KDM2B: variants seen among roughly 807,000 people sequenced by gnomAD.
KDM2B encodes lysine demethylase 2B.
Under a neutral mutation model 150.0 loss-of-function variants are expected in KDM2B, and 26 were observed. The ratio of observed to expected loss-of-function variants is 0.17; its 90% CI spans 0.13 to 0.24. KDM2B has a LOEUF of 0.24. KDM2B is among the 10% of genes least tolerant of loss of function. The pLI is 1.00. For synonymous variants in KDM2B, 734 were observed against 729.5 expected (o/e 1.01, Z -0.10); for missense variants, 1,265 against 1,816.9 (o/e 0.70, Z 5.52).
chr12:121,424,717 A>C (rs1007114434), downstream of KDM2B, among the ~76,000 whole-genome samples: 29 of 142,564 alleles, frequency 2.0e-4, no homozygotes, highest in Admixed American at 1.7e-3. Context: ...TCTCAAAAAA[A>C]AAAAAAAAGA....
At chr12:121,555,935 T>G (rs920590858) in intron 4 of KDM2B, among the ~76,000 whole-genome samples, 15 of 148,632 alleles carry the variant, frequency 1.0e-4, no homozygotes, top group Non-Finnish European at 1.5e-4. Context: ...TTGTTTTTTG[T>G]TTTTTTTTTG....
Position 121,442,172 on chromosome 12 carries a change from C to G in KDM2B, c.3269G>C (p.Arg1090Thr). The G allele has an allele frequency of 1.2e-6, 2 of 1,613,626 alleles. No homozygotes were observed. Among genetic ancestry groups the G allele is most frequent in the African/African-American group, 2.7e-5 (2 of 75,048 alleles). ...QDLCVCMRVC[R>T]TWNRWCCDKR... The stretch of plus-strand genomic sequence containing the variant: ...CGCCGCTCACCAGCGGTTCCAGGTC[C>G]TGCAGACCCGCATGCACACACACAG... Residue 1090 changes from arginine to threonine, a missense_variant, in exon 19 of 23, where the codon AGG (arginine) becomes ACG (threonine). Coordinates refer to ENST00000377071, the MANE Select transcript of KDM2B (RefSeq NM_032590.5). The surrounding 1 kb of genome is among the most constrained non-coding windows in gnomAD (Gnocchi z 7.7).
At chr12:121,473,020 G>A (rs1314160914) in intron 12 of KDM2B, among the ~76,000 whole-genome samples, 3 of 152,030 alleles carry the variant, frequency 2.0e-5, no homozygotes, top group South Asian at 2.1e-4. Context: ...CTCCAAAAAA[G>A]GACCTTGGAG....
At position 121,444,478 on chromosome 12, in the gene KDM2B, T is replaced by C; in HGVS notation, c.2162A>G (p.Lys721Arg). The C allele has an allele frequency of 6.2e-7, 1 of 1,614,150 alleles. No individual in the cohort carries two copies. The highest frequency in any genetic ancestry group is 8.5e-7 in the Non-Finnish European group (1 of 1,180,030). ...CCCGGTCTTGCCGGCGTGGTTACACTTCGGACACTCCCAGCAGTTTGGAAG... is the reference window on the plus strand; with the variant it reads ...CCCGGTCTTGCCGGCGTGGTTACACCTCGGACACTCCCAGCAGTTTGGAAG... Reference protein sequence around the residue: ...DELPNCWECPKCNHAGKTGKQ... With the variant: ...DELPNCWECPRCNHAGKTGKQ... The change falls in exon 15 of 23, where the codon AAG becomes AGG. Residue 721 changes from lysine to arginine, a missense_variant. Physicochemically the swap from Lys to Arg is conservative, Grantham distance 26 (BLOSUM62 2). Coordinates refer to ENST00000377071, the MANE Select transcript of KDM2B (RefSeq NM_032590.5).
At chr12:121,462,791 TGGC>T (rs1879286834) in intron 12 of KDM2B, among the ~76,000 whole-genome samples, 1 of 151,874 alleles carries the variant, frequency 6.6e-6, no homozygotes, top group Non-Finnish European at 1.5e-5. Context: ...CGCGCCCGGC[TGGC>T]AAAATTTCAC....
intron 13 of KDM2B, 32 bp from the exon 14 acceptor site, chr12:121,445,450 CAG>C (rs1566271551): frequency 2.6e-6 from 4 of 1,560,596 alleles, no homozygotes; most frequent in East Asian, 2.3e-5. Context: ...GACAAGTCAT[CAG>C]GGGTGGGGAG....
Position 121,549,741 on chromosome 12 carries a change from A to G in KDM2B, c.398-103T>C. The G allele has an allele frequency of 5.9e-6, 6 of 1,024,924 alleles. No individual in the cohort carries two copies. The highest frequency in any genetic ancestry group is 7.0e-6 in the Non-Finnish European group (5 of 709,926). The allele number at this position is 1,024,924 out of a possible 1,614,324, so 63.5% of individuals were successfully genotyped here. ...AAAAGCTGCTCCTCCACGTTTCCCC[A>G]CAGTCCTCACCCCTCTTCCTCATCT... On this transcript the variant is annotated intron_variant, in intron 4 of 22. Coordinates refer to ENST00000377071, the MANE Select transcript of KDM2B (RefSeq NM_032590.5). The surrounding 1 kb of genome is among the most constrained non-coding windows in gnomAD (Gnocchi z 4.4).
chr12:121,420,836 G>T, the KDM2B span: 1 of 1,363,162 alleles, frequency 7.3e-7, no homozygotes, highest in Admixed American at 1.8e-5. Flanking sequence ...TTTAAAAACT[G>T]GGTTGTTTTT....
rs962980061 is a variant in KDM2B, at chr12:121,453,938, C to G, written c.1735-594G>C. On this transcript the variant is annotated intron_variant, in intron 12 of 22. Coordinates refer to ENST00000377071, the MANE Select transcript of KDM2B (RefSeq NM_032590.5). This position sits in a 1 kb window ranked among gnomAD's most constrained non-coding sequence, Gnocchi z 6.4. ...ACCCACAGGCTCGGACCCTGCCCAC[C>G]TTTCCCACCTCCGTCTGCTCCCCAA... Among the ~76,000 whole-genome samples, 1 of 152,226 alleles carries G rather than the reference C, an allele frequency of 6.6e-6. No individual in the cohort carries two copies. Among genetic ancestry groups the G allele is most frequent in the Non-Finnish European group, 1.5e-5 (1 of 68,034 alleles).
chr12:121,496,225 A>G (rs1301723929), intron 11 of KDM2B, among the ~76,000 whole-genome samples: 2 of 152,074 alleles, frequency 1.3e-5, no homozygotes, highest in African/African-American at 4.8e-5. Flanking sequence ...CTACATCCAC[A>G]CATCCACAGC....
intron 7 of KDM2B, 42 bp downstream of exon 7, chr12:121,534,455 C>G (rs781996560): frequency 1.4e-6 from 2 of 1,455,854 alleles, no homozygotes; most frequent in Non-Finnish European, 1.9e-6. Flanking sequence ...CCCACACAAA[C>G]AGCTAGAGAT....
chr12:121,431,419 G>A (rs530909107), intron 22 of KDM2B, among the ~76,000 whole-genome samples: 35 of 151,430 alleles, frequency 2.3e-4, no homozygotes, highest in South Asian at 6.3e-4. Flanking sequence ...AAAGTGCTGG[G>A]ATTACAGGCT....
chr12:121,450,784 C>T (rs1366587290), intron 13 of KDM2B, among the ~76,000 whole-genome samples: 5 of 151,852 alleles, frequency 3.3e-5, no homozygotes, highest in African/African-American at 7.3e-5. Context: ...TGGCATGAAC[C>T]CAGGAGGTGG....
intron 21 of KDM2B, 38 bp from the exon 22 acceptor site, chr12:121,440,113 G>C (rs1287529707): frequency 6.7e-7 from 1 of 1,493,266 alleles, no homozygotes; most frequent in Non-Finnish European, 9.1e-7. Flanking sequence ...CCGTCAATCT[G>C]ACCGAGGAGG....
At chr12:121,418,036 C>G in the KDM2B span, 3 of 1,026,196 alleles carry the variant, frequency 2.9e-6, no homozygotes, top group Non-Finnish European at 4.3e-6. Context: ...GAAGCTTCCA[C>G]ACCCAGCTGA....
intron 12 of KDM2B, among the ~76,000 whole-genome samples, chr12:121,454,631 G>C (rs1877933387): frequency 2.0e-5 from 3 of 152,160 alleles, no homozygotes; most frequent in African/African-American, 7.2e-5. Context: ...AGAGCCTGGG[G>C]TGGCTGAGAA....
At chr12:121,441,345 A>C in intron 19 of KDM2B, 112 bp from the exon 20 acceptor site, 1 of 1,026,324 alleles carries the variant, frequency 9.7e-7, no homozygotes, top group Non-Finnish European at 1.4e-6. Flanking sequence ...TCCTTAACTC[A>C]GCGCTCTGGA....
intron 8 of KDM2B, among the ~76,000 whole-genome samples, chr12:121,524,043 C>T (rs1555306325): frequency 2.6e-5 from 4 of 152,146 alleles, no homozygotes. Flanking sequence ...CTGTTATTGT[C>T]GCCATCCCCG....
Position 121,544,694 on chromosome 12 carries a change from C to T in KDM2B, c.683+4183G>A, listed in dbSNP as rs548154359. On this transcript the variant is annotated intron_variant, in intron 6 of 22. Transcript: ENST00000377071. ...TTGGGAGGCCAAGGCGGGCAGATCA[C>T]CTGAGGTCAGGAGTTCGAGACCGGC... Among the ~76,000 whole-genome samples, 32 of 152,208 alleles carry T rather than the reference C, an allele frequency of 2.1e-4. 2 individuals are homozygous for T. In the South Asian group the frequency reaches 6.0e-3, roughly 29 times the overall value.
Sources: gnomAD v4.1 joint callset for allele counts (sites outside exome capture counted in the v4.1 genomes callset) on GRCh38, gnomAD v4.1.1 for gene constraint, Gnocchi (gnomAD v3.1) non-coding constraint, MANE v1.5 for transcripts, NCBI Gene and HGNC (gene_info 2026-07-23, HGNC 2026-07-21) for gene names.